The following TCERG1 variants were observed in gnomAD, a reference collection of about 807,000 sequenced individuals.
TCERG1 encodes TATA box binding protein (TBP)-associated factor, RNA polymerase II, S, 150kD.
Under a neutral mutation model 144.7 loss-of-function variants are expected in TCERG1, and 37 were observed. The ratio of observed to expected loss-of-function variants is 0.26; its 90% CI spans 0.20 to 0.34. The LOEUF (loss-of-function observed/expected upper bound fraction) is 0.34, where lower values mean the gene tolerates loss of function less well. Ranked by LOEUF, TCERG1 falls within the 10% of genes least tolerant of loss-of-function variation. TCERG1 has a pLI of 1.00. For missense variants in TCERG1, 1,027 were observed against 1,380.7 expected (o/e 0.74, Z 4.06); for synonymous variants, 492 against 458.2 (o/e 1.07, Z -0.94).
At position 146,498,605 on chromosome 5, in the gene TCERG1, A is replaced by G; in HGVS notation, c.2352A>G (p.Lys784=). Residue 784 remains lysine (K), a synonymous_variant, in exon 17 of 23, where the codon AAA becomes AAG. Transcript: ENST00000679501. The part of the protein sequence containing the change: ...DSRFKAIEKM[K]DREALFNEFV... Reference sequence around the variant, plus strand: ...GATTCAAAGCAATTGAAAAGATGAAAGACCGAGAAGCCTTGTTTAATGAGT... The same window carrying G: ...GATTCAAAGCAATTGAAAAGATGAAGGACCGAGAAGCCTTGTTTAATGAGT... 6.2e-7 allele frequency: 1 copy of G among 1,612,512 alleles called. No homozygotes were observed. Among genetic ancestry groups the G allele is most frequent in the South Asian group, 1.1e-5 (1 of 90,738 alleles).
chr5:146,488,274 G>T (rs935433583), intron 15 of TCERG1, among the ~76,000 whole-genome samples: 1 of 152,128 alleles, frequency 6.6e-6, no homozygotes, highest in African/African-American at 2.4e-5. Flanking sequence ...GTTCTCCATA[G>T]CAAGGGAAAC....
At chr5:146,483,839 T>C (rs551421201) in intron 15 of TCERG1, among the ~76,000 whole-genome samples, 1 of 152,110 alleles carries the variant, frequency 6.6e-6, no homozygotes, top group Non-Finnish European at 1.5e-5. Context: ...GCTGTTGTCT[T>C]GTAAACATTT....
intron 9 of TCERG1, among the ~76,000 whole-genome samples, chr5:146,473,061 AGGAAG>A (rs202157262): frequency 0.024 from 3,679 of 152,332 alleles, 63 homozygotes; most frequent in African/African-American, 0.041. Context: ...AAGCTTAGTA[AGGAAG>A]GCATGTCAAA....
At chr5:146,471,662 G>T in intron 9 of TCERG1, 86 bp downstream of exon 9, 2 of 1,132,656 alleles carry the variant, frequency 1.8e-6, no homozygotes, top group South Asian at 1.5e-5. Context: ...GCAGTGGCAC[G>T]ATCTGGGCTC....
chr5:146,464,338 A>G (rs1028917121), intron 5 of TCERG1, among the ~76,000 whole-genome samples: 1 of 152,254 alleles, frequency 6.6e-6, no homozygotes, highest in Non-Finnish European at 1.5e-5. Flanking sequence ...GCTTTTAATA[A>G]CTATGTTAAT....
At chr5:146,460,226 G>A (rs1763215665) in intron 4 of TCERG1, among the ~76,000 whole-genome samples, 1 of 151,914 alleles carries the variant, frequency 6.6e-6, no homozygotes, top group African/African-American at 2.4e-5. Flanking sequence ...GGTGAGAGTC[G>A]ATTAATAGCA....
intron 15 of TCERG1, among the ~76,000 whole-genome samples, chr5:146,492,338 G>C (rs186684786): frequency 6.6e-6 from 1 of 152,036 alleles, no homozygotes; most frequent in African/African-American, 2.4e-5. Context: ...CATCAGCTTT[G>C]CAAGTTGCTG....
At chr5:146,459,626 T>A (rs1486974899) in intron 4 of TCERG1, among the ~76,000 whole-genome samples, 2 of 152,206 alleles carry the variant, frequency 1.3e-5, no homozygotes, top group African/African-American at 2.4e-5. Context: ...GCAAAATAAG[T>A]GTAAGTCTTG....
intron 14 of TCERG1, among the ~76,000 whole-genome samples, 167 bp from the exon 15 acceptor site, chr5:146,483,373 T>C (rs1412280936): frequency 6.6e-6 from 1 of 152,162 alleles, no homozygotes; most frequent in Non-Finnish European, 1.5e-5. Flanking sequence ...AGTGTGGAAA[T>C]TTGCTATTGC....
At chr5:146,476,847 G>A (rs552425640) in intron 9 of TCERG1, among the ~76,000 whole-genome samples, 12 of 152,248 alleles carry the variant, frequency 7.9e-5, no homozygotes, top group African/African-American at 2.4e-4. Context: ...ACAGTGGCAC[G>A]ATCATAGCTC....
In TCERG1 at chr5:146,479,912, G is replaced by A; in HGVS notation, c.1819+1G>A. The A allele has an allele frequency of 6.2e-7, 1 of 1,613,022 alleles. No individual in the cohort carries two copies. Among genetic ancestry groups the A allele is most frequent in the Non-Finnish European group, 8.5e-7 (1 of 1,179,374 alleles). ...AAGTGGCAATTCTCTATGAGTGCAAGTGAGTGAACTAACCATAAATTGCAG... is the reference window on the plus strand; with the variant it reads ...AAGTGGCAATTCTCTATGAGTGCAAATGAGTGAACTAACCATAAATTGCAG... On this transcript the variant is annotated splice_donor_variant, in intron 11 of 22. Coordinates refer to ENST00000679501, the MANE Select transcript of TCERG1 (RefSeq NM_001382548.1). LOFTEE classifies it high-confidence loss of function.
At chr5:146,451,308 G>A (rs10053400) in intron 1 of TCERG1, among the ~76,000 whole-genome samples, 39,805 of 149,676 alleles carry the variant, frequency 0.27, 6,477 homozygotes, top group East Asian at 0.83. Context: ...ATTTTGATGC[G>A]ATCCATATTC....
Position 146,458,988 on chromosome 5 carries a change from A to C in TCERG1, c.543A>C (p.Ala181=), listed in dbSNP as rs764402744. The stretch of plus-strand genomic sequence containing the variant: ...TGACACCTATGCTTGCAGCCCAGGC[A>C]CAGGTTCAGGCTCAGGCCCAGGCGC... The part of the protein sequence containing the change: ...SELTPMLAAQ[A]QVQAQAQAQA... The change falls in exon 4 of 23, where the codon GCA becomes GCC. Residue 181 remains alanine (A), a synonymous_variant. Transcript: ENST00000679501. 9.3e-6 allele frequency: 15 copies of C among 1,613,528 alleles called. No homozygotes were observed. The highest frequency in any genetic ancestry group is 3.3e-5 in the South Asian group (3 of 91,076).
Position 146,497,784 on chromosome 5 carries a change from G to A in TCERG1, c.2283-752G>A, listed in dbSNP as rs556085898. ...CTGTTTTCCTTGTGGATCTTTTGTG[G>A]ACTTTGTTGGCCTGATCCTATTCTC... On this transcript the variant is annotated intron_variant, in intron 16 of 22. Transcript: ENST00000679501. Among the ~76,000 whole-genome samples, 8 of 152,212 alleles carry A rather than the reference G, an allele frequency of 5.3e-5. No homozygotes were observed. The South Asian group carries it at 1.2e-3, about 24-fold the overall frequency.
chr5:146,498,467 A>G lies in TCERG1; in HGVS notation c.2283-69A>G, dbSNP rs754961536. ...CATATACTCTTGTTGGAAAAATGGT[A>G]TCTTCTGCTATGCCTTTATACAAGC... On this transcript the variant is annotated intron_variant, in intron 16 of 22. Coordinates refer to ENST00000679501, the MANE Select transcript of TCERG1 (RefSeq NM_001382548.1). 36 of 1,482,926 alleles carry G rather than the reference A, an allele frequency of 2.4e-5. No individual in the cohort carries two copies. In the Admixed American group the frequency reaches 3.1e-4, roughly 13 times the overall value. 91.9% of individuals were successfully genotyped at this position (1,482,926 alleles called of 1,614,324 possible).
intron 9 of TCERG1, among the ~76,000 whole-genome samples, chr5:146,474,411 T>C (rs1472192892): frequency 3.9e-5 from 6 of 152,326 alleles, no homozygotes; most frequent in African/African-American, 1.4e-4. Context: ...ATTCTTCAGA[T>C]AGAATCTACT....
In TCERG1 at chr5:146,510,765, C is replaced by G. The variant is rs992212980; in HGVS notation, c.*123C>G. ...ACCATCTGACAAACAGAAGGAGAAG[C>G]ATTTGTGAACAGTTTCTGAACAGAA... is the stretch of plus-strand genomic sequence containing the variant. On this transcript the variant is annotated 3_prime_UTR_variant, in exon 23 of 23. Coordinates refer to ENST00000679501, the MANE Select transcript of TCERG1 (RefSeq NM_001382548.1). The G allele has an allele frequency of 1.7e-5, 15 of 880,502 alleles. No individual in the cohort carries two copies. Among genetic ancestry groups the G allele is most frequent in the Non-Finnish European group, 2.3e-5 (14 of 602,050 alleles). 54.5% of individuals were successfully genotyped at this position (880,502 alleles called of 1,614,324 possible).
chr5:146,480,492 G>A (rs1177813461), intron 12 of TCERG1: 2 of 157,990 alleles, frequency 1.3e-5, no homozygotes, highest in African/African-American at 4.8e-5. Flanking sequence ...TAGTCCTTGA[G>A]TCTGGTCATT....
rs754911983 is a variant in TCERG1 at position 146,459,329 on chromosome 5, C to G, written c.884C>G (p.Thr295Arg). 1.9e-6 allele frequency: 3 copies of G among 1,613,948 alleles called. No homozygotes were observed. Among genetic ancestry groups the G allele is most frequent in the African/African-American group, 2.7e-5 (2 of 75,076 alleles). Residue 295 changes from threonine (T) to arginine (R), a missense_variant, in exon 4 of 23, where the codon ACA becomes AGA. By Grantham distance (71) the Thr-to-Arg change is moderately conservative. Around this residue, in one of 6 missense-constraint regions of TCERG1, gnomAD observed 187 missense variants for 169.1 expected, o/e 1.11. Transcript: ENST00000679501. ...TTTTATSVAQTVSTPTTQDQT... is the reference protein window; with the variant it reads ...TTTTATSVAQRVSTPTTQDQT... ...ACAACTGCTACTTCAGTTGCGCAGA[C>G]AGTATCAAGTGAGTACCACTCAGCA...
Sources: allele counts gnomAD v4.1 joint callset (sites outside exome capture counted in the v4.1 genomes callset), GRCh38; gene constraint gnomAD v4.1.1; regional missense constraint gnomAD v4.1.1; transcripts MANE v1.5; gene names NCBI Gene and HGNC (gene_info 2026-07-23, HGNC 2026-07-21).